The following SYT2 variants were observed in gnomAD, a reference collection of about 807,000 sequenced individuals.
SYT2 encodes synaptotagmin 2.
In SYT2, 15 loss-of-function variants were observed where a neutral mutation model predicts 39.9. The ratio of observed to expected loss-of-function variants is 0.38; its 90% CI spans 0.25 to 0.58. SYT2 has a LOEUF of 0.58. SYT2 is among the 20% of genes least tolerant of loss of function. The pLI, the probability that SYT2 is intolerant of heterozygous loss-of-function variation, is 0.70. For synonymous variants in SYT2, 181 were observed against 204.5 expected (o/e 0.89, Z 0.98); for missense variants, 389 against 530.3 (o/e 0.73, Z 2.62).
At chr1:202,671,640 C>T (rs181283453) in intron 1 of SYT2, among the ~76,000 whole-genome samples, 4 of 152,292 alleles carry the variant, frequency 2.6e-5, no homozygotes, top group Admixed American at 6.5e-5. Flanking sequence ...CCTAGAGAAA[C>T]GAAAGTCAAT....
At chr1:202,669,623 G>C (rs1692544024) in intron 1 of SYT2, among the ~76,000 whole-genome samples, 1 of 151,800 alleles carries the variant, frequency 6.6e-6, no homozygotes, top group African/African-American at 2.4e-5. Flanking sequence ...GCTGGGCCTA[G>C]TGGTGGACGC....
chr1:202,704,249 G>C (rs1654192746), intron 1 of SYT2, among the ~76,000 whole-genome samples: 1 of 152,222 alleles, frequency 6.6e-6, no homozygotes. Context: ...AATGCTCCCA[G>C]CTTCAGAACT....
chr1:202,600,141 A>G (rs759320416), intron 7 of SYT2, among the ~76,000 whole-genome samples: 10 of 152,172 alleles, frequency 6.6e-5, no homozygotes, highest in Admixed American at 5.2e-4. Context: ...CCCACAGTGC[A>G]TGGCCAGAGA....
chr1:202,630,380 G>C, intron 1 of SYT2: 10 of 985,294 alleles, frequency 1.0e-5, no homozygotes, highest in Non-Finnish European at 1.2e-5. Flanking sequence ...TCGCCAACCG[G>C]CTTTCCCATG....
Position 202,624,463 on chromosome 1 carries a change from TTGTGTGTAGTGAGG to T in SYT2, c.-17-18688_-17-18675del, listed in dbSNP as rs1055679157. On this transcript the variant is annotated intron_variant, in intron 1 of 8. Transcript: ENST00000367268. ...TAATACGTGTATGTGTTGTGGTCTG[TTGTGTGTAGTGAGG>T]TGTGTGTGGTGTATAGTAAGGTGTG... Among the ~76,000 whole-genome samples the T allele has an allele frequency of 2.0e-5, 3 of 151,324 alleles. No individual in the cohort carries two copies. In the East Asian group the frequency reaches 5.8e-4, roughly 29 times the overall value.
chr1:202,626,443 CTG>C (rs1302159040), intron 1 of SYT2, among the ~76,000 whole-genome samples: 1 of 119,686 alleles, frequency 8.4e-6, no homozygotes, highest in Non-Finnish European at 1.6e-5. Context: ...GGGTCTCACT[CTG>C]TCACCCAGGC....
intron 1 of SYT2, among the ~76,000 whole-genome samples, chr1:202,693,817 T>C (rs1022887249): frequency 5.3e-5 from 8 of 152,368 alleles, no homozygotes; most frequent in African/African-American, 1.4e-4. Flanking sequence ...TGGTAAGTTA[T>C]ATTTTTAAAA....
rs573185355 is a variant in SYT2, at chr1:202,684,359, A to G, written c.-18+25899T>C. 4.8e-5 allele frequency among the ~76,000 whole-genome samples: 7 copies of G among 147,030 alleles called. No individual in the cohort carries two copies. In the East Asian group the frequency reaches 1.2e-3, roughly 25 times the overall value. Reference sequence around the variant, plus strand: ...CTATTTATTCAGCTTTTTTTTTTTCAATTCCACATATAAGTGAGATTATAC... The same window carrying G: ...CTATTTATTCAGCTTTTTTTTTTTCGATTCCACATATAAGTGAGATTATAC... On this transcript the variant is annotated intron_variant, in intron 1 of 8. Coordinates refer to ENST00000367268, the MANE Select transcript of SYT2 (RefSeq NM_177402.5).
chr1:202,622,547 C>G (rs569979114), intron 1 of SYT2, among the ~76,000 whole-genome samples: 1 of 148,198 alleles, frequency 6.7e-6, no homozygotes, highest in South Asian at 2.1e-4. Flanking sequence ...CTTGATCTCG[C>G]TGAGATCAGC....
At chr1:202,612,807 A>G (rs182049417) in intron 1 of SYT2, among the ~76,000 whole-genome samples, 20 of 152,338 alleles carry the variant, frequency 1.3e-4, no homozygotes, top group African/African-American at 4.6e-4. Context: ...CAGCTCAGGG[A>G]TCATATCAAC....
intron 1 of SYT2, among the ~76,000 whole-genome samples, chr1:202,689,764 G>T (rs112161956): frequency 2.0e-5 from 3 of 152,122 alleles, no homozygotes; most frequent in African/African-American, 7.2e-5. Context: ...TACCACTAGT[G>T]ATTCCTCCTG....
intron 1 of SYT2, among the ~76,000 whole-genome samples, chr1:202,640,245 C>T (rs1285300185): frequency 1.4e-5 from 2 of 145,990 alleles, no homozygotes; most frequent in African/African-American, 5.1e-5. Context: ...TCCCACCCCA[C>T]CCCACCCCGC....
chr1:202,637,653 T>G (rs1691776604), intron 1 of SYT2, among the ~76,000 whole-genome samples: 3 of 152,236 alleles, frequency 2.0e-5, no homozygotes, highest in African/African-American at 7.2e-5. Context: ...GAGACTCTCC[T>G]GCCGGCTGCT....
chr1:202,678,862 C>T lies in SYT2; in HGVS notation c.-18+31396G>A, dbSNP rs76982540. ...GACGTGTGGCTGTTCCCTGCTGCCA[C>T]GTTCAGAGTCTCCACCCCCCACCCA... On this transcript the variant is annotated intron_variant, in intron 1 of 8. Transcript: ENST00000367268. Among the ~76,000 whole-genome samples the T allele has an allele frequency of 3.8e-3, 571 of 152,264 alleles. 1 individual carries two copies. The highest frequency in any genetic ancestry group is 6.1e-3 in the Non-Finnish European group (417 of 68,012).
chr1:202,604,490 T>G lies in SYT2; in HGVS notation c.310A>C (p.Asn104His). 6.2e-7 allele frequency: 1 copy of G among 1,614,228 alleles called. No homozygotes were observed. The highest frequency in any genetic ancestry group is 8.5e-7 in the Non-Finnish European group (1 of 1,180,038). Residue 104 changes from asparagine to histidine, a missense_variant, in exon 3 of 9, where the codon AAT becomes CAT. Coordinates refer to ENST00000367268, the MANE Select transcript of SYT2 (RefSeq NM_177402.5). Reference sequence around the variant, plus strand: ...TTCATGTCCTTCATGTTCATGGCATTCTTCATGCCTTTGCCCTTCTCCTTC... The same window carrying G: ...TTCATGTCCTTCATGTTCATGGCATGCTTCATGCCTTTGCCCTTCTCCTTC... Reference protein sequence around the residue: ...NKKEKGKGMKNAMNMKDMKGG... With the variant: ...NKKEKGKGMKHAMNMKDMKGG...
At chr1:202,679,980 C>G (rs958621681) in intron 1 of SYT2, among the ~76,000 whole-genome samples, 6 of 152,200 alleles carry the variant, frequency 3.9e-5, no homozygotes, top group African/African-American at 1.4e-4. Context: ...AAACATCTAT[C>G]AAATGTCACC....
At chr1:202,677,746 G>A (rs1426977788) in intron 1 of SYT2, among the ~76,000 whole-genome samples, 1 of 152,162 alleles carries the variant, frequency 6.6e-6, no homozygotes, top group Non-Finnish European at 1.5e-5. Flanking sequence ...ATATTGTCAG[G>A]TAAACCCGAC....
chr1:202,597,075 G>T lies in SYT2; in HGVS notation c.1054-112C>A, dbSNP rs118096501. On this transcript the variant is annotated intron_variant, in intron 8 of 8. Transcript: ENST00000367268. ...TGATTGGGAAGGTAAGGCCTCCTGG[G>T]GCTCCTTGGTTTCATCTCTGCTCCA... 1,692 of 859,392 alleles carry T rather than the reference G, an allele frequency of 2.0e-3. 36 individuals are homozygous for T. In the East Asian group the frequency reaches 0.038, roughly 20 times the overall value. 53.2% of individuals were successfully genotyped at this position (859,392 alleles called of 1,614,324 possible). A position where few individuals can be genotyped will look rare whatever the true frequency, so the allele number is the denominator to read the frequency against.
At chr1:202,681,393 G>A (rs981243988) in intron 1 of SYT2, among the ~76,000 whole-genome samples, 8 of 152,180 alleles carry the variant, frequency 5.3e-5, no homozygotes, top group South Asian at 2.1e-4. Flanking sequence ...CTGGTGTCTC[G>A]TCTTATTTAA....
Sources: gnomAD v4.1 joint callset for allele counts (sites outside exome capture counted in the v4.1 genomes callset) on GRCh38, gnomAD v4.1.1 for gene constraint, MANE v1.5 for transcripts, NCBI Gene and HGNC (gene_info 2026-07-23, HGNC 2026-07-21) for gene names.